The following HLA-DRB5 variants were observed in gnomAD, a reference collection of about 807,000 sequenced individuals.
HLA-DRB5 encodes the protein DR beta-5.
In HLA-DRB5, 11 loss-of-function variants were observed where a neutral mutation model predicts 22.4. The ratio of observed to expected loss-of-function variants is 0.49; its 90% CI spans 0.31 to 0.81. The LOEUF (loss-of-function observed/expected upper bound fraction) is 0.81, where lower values mean the gene tolerates loss of function less well. HLA-DRB5 is among the 40% of genes least tolerant of loss of function. The pLI is 0.05. For synonymous variants in HLA-DRB5, 57 were observed against 106.0 expected, an observed-to-expected ratio of 0.54 and a Z score of 2.84; for missense variants, 106 against 274.4, an observed-to-expected ratio of 0.39 and a Z score of 4.34.
Position 32,525,392 on chromosome 6 carries a change from TC to T in HLA-DRB5, c.101-3219del, listed in dbSNP as rs796618651. On this transcript the variant is annotated intron_variant, in intron 1 of 5. Coordinates refer to ENST00000374975, the MANE Select transcript of HLA-DRB5 (RefSeq NM_002125.4). ...ATGTATTCCCATTTTAATTTTTTGA[TC>T]CCTATAACTGGAGCTCACATTATTT... Among the ~76,000 whole-genome samples the T allele has an allele frequency of 1.0e-2, 377 of 37,782 alleles. 1 individual carries two copies. Among genetic ancestry groups the T allele is most frequent in the Middle Eastern group, 0.02 (1 of 50 alleles). 24.8% of individuals were successfully genotyped at this position (37,782 alleles called of 152,430 possible). A position where few individuals can be genotyped will look rare whatever the true frequency, so the allele number is the denominator to read the frequency against.
chr6:32,518,958 G>A (rs112395485), intron 3 of HLA-DRB5, among the ~76,000 whole-genome samples: 2,741 of 80,190 alleles, frequency 0.034, 614 homozygotes, highest in Admixed American at 0.07. Flanking sequence ...GAGTGACAGA[G>A]CTAATAAAAG....
intron 1 of HLA-DRB5, among the ~76,000 whole-genome samples, chr6:32,523,638 G>A (rs376392416): frequency 2.6e-3 from 304 of 115,014 alleles, no homozygotes; most frequent in African/African-American, 5.0e-3. Context: ...TCATGAAAAT[G>A]TTGAAAAATA....
intron 1 of HLA-DRB5, among the ~76,000 whole-genome samples, chr6:32,529,291 G>T (rs114620659): frequency 0.071 from 5,314 of 75,270 alleles, 14 homozygotes; most frequent in Non-Finnish European, 0.082. Flanking sequence ...TACAAAAATA[G>T]AATTTCATAT....
chr6:32,525,153 A>T (rs373974466), intron 1 of HLA-DRB5, among the ~76,000 whole-genome samples: 19,189 of 44,632 alleles, frequency 0.43, 8,084 homozygotes, highest in Middle Eastern at 0.47. Flanking sequence ...AGACACAATC[A>T]AGTCACTACT....
At chr6:32,519,196 A>G (rs116448083) in intron 3 of HLA-DRB5, among the ~76,000 whole-genome samples, 174 bp downstream of exon 3, 40,729 of 69,358 alleles carry the variant, frequency 0.59, 14,783 homozygotes, top group Admixed American at 0.67. Context: ...TCCCCAGAGG[A>G]TACAGGTGTT....
rs1554265061 is a variant in HLA-DRB5, at chr6:32,520,675, C to CA, written c.371-1025dup. Among the ~76,000 whole-genome samples, 17 of 75,076 alleles carry CA rather than the reference C, an allele frequency of 2.3e-4. No homozygotes were observed. In the East Asian group the frequency reaches 3.4e-3, roughly 15 times the overall value. 49.3% of individuals were successfully genotyped at this position (75,076 alleles called of 152,430 possible). A position where few individuals can be genotyped will look rare whatever the true frequency, so the allele number is the denominator to read the frequency against. On this transcript the variant is annotated intron_variant, in intron 2 of 5. Transcript: ENST00000374975. ...AACACTAGCAGACTCTCAATAAATA[C>CA]ATTTTTTTTAAGAAGGAAGGAGAAA...
intron 2 of HLA-DRB5, among the ~76,000 whole-genome samples, chr6:32,521,570 G>C (rs561446219): frequency 0.011 from 783 of 68,576 alleles, no homozygotes; most frequent in Middle Eastern, 0.015. Context: ...CTAAGGACAC[G>C]AGACAACCAA....
At chr6:32,524,247 T>A (rs72508448) in intron 1 of HLA-DRB5, among the ~76,000 whole-genome samples, 64,652 of 113,900 alleles carry the variant, frequency 0.57, 17,250 homozygotes, top group Middle Eastern at 0.7. Flanking sequence ...AATGAACTTG[T>A]TGAGAACTAA....
chr6:32,526,018 T>C (rs1431952253), intron 1 of HLA-DRB5, among the ~76,000 whole-genome samples: 1 of 56,224 alleles, frequency 1.8e-5, no homozygotes, highest in Admixed American at 1.9e-4. Flanking sequence ...GTCCTCCTGC[T>C]TCTCTTCAGC....
At chr6:32,528,180 G>A (rs138446311) in intron 1 of HLA-DRB5, among the ~76,000 whole-genome samples, 15,517 of 53,188 alleles carry the variant, frequency 0.29, 1,950 homozygotes, top group Middle Eastern at 0.49. Context: ...TCTCAAGTAG[G>A]GCTCTCTAGA....
chr6:32,518,886 C>CGCAACTTCAA (rs1768441761), intron 3 of HLA-DRB5, among the ~76,000 whole-genome samples: 1 of 50,986 alleles, frequency 2.0e-5, no homozygotes, highest in Admixed American at 2.6e-4. Context: ...TGATGTAAGG[C>CGCAACTTCAA]ACGGCTTCAA....
At chr6:32,524,530 C>T (rs1769352125) in intron 1 of HLA-DRB5, among the ~76,000 whole-genome samples, 1 of 85,738 alleles carries the variant, frequency 1.2e-5, no homozygotes, top group Non-Finnish European at 2.4e-5. Flanking sequence ...AAGTCAGAAA[C>T]CAAGAAAATG....
At chr6:32,528,898 G>A (rs549879698) in intron 1 of HLA-DRB5, among the ~76,000 whole-genome samples, 5,696 of 55,866 alleles carry the variant, frequency 0.1, 1,506 homozygotes, top group Middle Eastern at 0.23. Flanking sequence ...AGCCTAGATC[G>A]GACCACTGCA....
chr6:32,524,601 T>TGGA (rs1769368147), intron 1 of HLA-DRB5, among the ~76,000 whole-genome samples: 8 of 90,600 alleles, frequency 8.8e-5, no homozygotes, highest in South Asian at 6.7e-4. Context: ...TGTAGAGACC[T>TGGA]TCACAAAGCT....
chr6:32,526,379 CTT>C (rs1769642102), intron 1 of HLA-DRB5, among the ~76,000 whole-genome samples: 1 of 39,654 alleles, frequency 2.5e-5, no homozygotes, highest in Admixed American at 3.3e-4. Flanking sequence ...TCTTAGTCCC[CTT>C]TGCTGGCCTG....
rs1211229466 is a variant in HLA-DRB5 at position 32,526,689 on chromosome 6, T to G, written c.100+3436A>C. 5.3e-5 allele frequency among the ~76,000 whole-genome samples: 2 copies of G among 37,772 alleles called. 1 individual carries two copies. The highest frequency in any genetic ancestry group is 6.9e-4 in the Admixed American group (2 of 2,890). 24.8% of individuals were successfully genotyped at this position (37,772 alleles called of 152,430 possible). On this transcript the variant is annotated intron_variant, in intron 1 of 5. Transcript: ENST00000374975. The stretch of plus-strand genomic sequence containing the variant: ...CACCCACCACCATGCCCAGCTAATT[T>G]TTTGTATTTTTAGTAGAGACGGGGT...
intron 3 of HLA-DRB5, among the ~76,000 whole-genome samples, chr6:32,518,959 C>G (rs1768452119): frequency 1.1e-5 from 1 of 91,376 alleles, no homozygotes; most frequent in Admixed American, 1.3e-4. Flanking sequence ...AGTGACAGAG[C>G]TAATAAAAGG....
Position 32,521,811 on chromosome 6 carries a change from T to TCTCTCTCA in HLA-DRB5, c.370+93_370+94insTGAGAGAG, listed in dbSNP as rs879229020. On this transcript the variant is annotated intron_variant, in intron 2 of 5. Coordinates refer to ENST00000374975, the MANE Select transcript of HLA-DRB5 (RefSeq NM_002125.4). Reference sequence around the variant, plus strand: ...CTCTGTCTCTCTCTTCCTCTCTCTCTCACACACACACACACACACACACAC... The same window carrying TCTCTCTCA: ...CTCTGTCTCTCTCTTCCTCTCTCTCTCTCTCTCACACACACACACACACACACACACAC... The TCTCTCTCA allele has an allele frequency of 1.7e-3, 431 of 249,146 alleles. 17 individuals carry two copies. In the African/African-American group the frequency reaches 0.022, roughly 13 times the overall value. The allele number at this position is 249,146 out of a possible 1,614,324, so 15.4% of individuals were successfully genotyped here. A position where few individuals can be genotyped will look rare whatever the true frequency, so the allele number is the denominator to read the frequency against.
intron 1 of HLA-DRB5, among the ~76,000 whole-genome samples, chr6:32,526,252 T>A (rs112861810): frequency 3.2e-3 from 131 of 41,476 alleles, no homozygotes; most frequent in Non-Finnish European, 4.8e-3. Flanking sequence ...TTCACCCTCC[T>A]CTTAGTGGTA....
Sources: gnomAD v4.1 joint callset for allele counts (sites outside exome capture counted in the v4.1 genomes callset) on GRCh38, gnomAD v4.1.1 for gene constraint, MANE v1.5 for transcripts, NCBI Gene and HGNC (gene_info 2026-07-23, HGNC 2026-07-21) for gene names.